Variants in RIPOR1 observed in about 807,000 individuals in gnomAD.
RIPOR1 encodes the protein RHO family interacting cell polarization regulator 1, also known as rho family-interacting cell polarization regulator 1.
A neutral mutation model predicts 116.5 loss-of-function variants in RIPOR1; 58 were observed. The observed-to-expected ratio is 0.50, with a 90% CI of 0.40 to 0.62. RIPOR1 has a LOEUF of 0.62. Ranked by LOEUF, RIPOR1 falls within the 20% of genes least tolerant of loss-of-function variation. The pLI is 0.00. For synonymous variants in RIPOR1, 605 were observed against 650.0 expected (o/e 0.93, Z 1.05); for missense variants, 1,372 against 1,586.2 (o/e 0.86, Z 2.29).
chr16:67,537,947 G>T lies in RIPOR1; in HGVS notation c.-23-477G>T, dbSNP rs1290565243. The T allele has an allele frequency of 1.2e-5, 3 of 246,598 alleles. No homozygotes were observed. The highest frequency in any genetic ancestry group is 2.3e-5 in the Non-Finnish European group (3 of 129,552). 15.3% of individuals were successfully genotyped at this position (246,598 alleles called of 1,614,324 possible). ...CCGGCTGGGCCTGTCGGGCAGCTCC[G>T]CAGGGCTCCGAGCGTGGCCCCGCCC... is the stretch of plus-strand genomic sequence containing the variant. On this transcript the variant is annotated intron_variant, in intron 1 of 21. Coordinates refer to ENST00000042381, the MANE Select transcript of RIPOR1 (RefSeq NM_024519.4). This position sits in a 1 kb window ranked among gnomAD's most constrained non-coding sequence, Gnocchi z 4.6.
rs185659070 is a variant in RIPOR1, at chr16:67,544,639, G to A, written c.2734-56G>A. On this transcript the variant is annotated intron_variant, in intron 15 of 21. Transcript: ENST00000042381. The surrounding 1 kb of genome is among the most constrained non-coding windows in gnomAD (Gnocchi z 5.1). ...CATGCTGGGACTTGTCCCTGAGCAC[G>A]ATCCTCCCGAGCCCTACCCTGAGGC... The A allele has an allele frequency of 3.1e-6, 5 of 1,605,266 alleles. No individual in the cohort carries two copies. Among genetic ancestry groups the A allele is most frequent in the East Asian group, 2.2e-5 (1 of 44,826 alleles).
chr16:67,519,748 A>C (rs1039959406), intron 1 of RIPOR1, among the ~76,000 whole-genome samples: 3 of 151,984 alleles, frequency 2.0e-5, no homozygotes, highest in African/African-American at 7.2e-5. Flanking sequence ...GATGAGACTC[A>C]AGTCATCACT....
rs530628273 is a variant in RIPOR1, at chr16:67,545,485, C to T, written c.3141C>T (p.Thr1047=). ...TVFQFWSFVE[T]LDSPTMEAYV... ...TCCAGTTCTGGAGTTTTGTGGAAAC[C>T]TTGGACAGCCCCACCATGGAGGCCT... Residue 1047 remains threonine, a synonymous_variant, in exon 18 of 22, where the codon ACC becomes ACT. Transcript: ENST00000042381. The surrounding 1 kb of genome is among the most constrained non-coding windows in gnomAD (Gnocchi z 4.8). The T allele has an allele frequency of 1.2e-5, 20 of 1,614,004 alleles. No individual in the cohort carries two copies. In the East Asian group the frequency reaches 4.5e-4, roughly 36 times the overall value.
chr16:67,521,189 G>A (rs1400745185), intron 1 of RIPOR1, among the ~76,000 whole-genome samples: 1 of 152,202 alleles, frequency 6.6e-6, no homozygotes, highest in Non-Finnish European at 1.5e-5. Flanking sequence ...GCCGCCAGGG[G>A]CACCCCCTTG....
rs778530561 is a variant in RIPOR1, at chr16:67,542,374, G to T, written c.1588G>T (p.Val530Phe). 6.2e-7 allele frequency: 1 copy of T among 1,613,852 alleles called. No individual in the cohort carries two copies. Among genetic ancestry groups the T allele is most frequent in the Non-Finnish European group, 8.5e-7 (1 of 1,179,950 alleles). The change falls in exon 13 of 22, where the codon GTT becomes TTT. Residue 530 changes from valine (V) to phenylalanine (F), a missense_variant. Physicochemically the swap from Val to Phe is conservative, Grantham distance 50. Coordinates refer to ENST00000042381, the MANE Select transcript of RIPOR1 (RefSeq NM_024519.4). This position sits in a 1 kb window ranked among gnomAD's most constrained non-coding sequence, Gnocchi z 4.6. ...TGCCCCATCTGCACACCTAGACTCA[G>T]TTCATAAGTCCACAGACTCTGGCCC... ...DPAPSAHLDS[V>F]HKSTDSGPSE...
At chr16:67,525,067 C>T (rs1296082819), upstream of RIPOR1, among the ~76,000 whole-genome samples, 1 of 152,268 alleles carries the variant, frequency 6.6e-6, no homozygotes, top group African/African-American at 2.4e-5. Flanking sequence ...TCTCCTGTGG[C>T]TTAAACTCTT....
Position 67,545,556 on chromosome 16 carries a change from C to T in RIPOR1, c.3190+22C>T. 1.2e-6 allele frequency: 2 copies of T among 1,612,880 alleles called. No homozygotes were observed. Among genetic ancestry groups the T allele is most frequent in the Non-Finnish European group, 1.7e-6 (2 of 1,179,262 alleles). ...GAGGGTGAGGCGGTGGCCCTGATCA[C>T]ATAGTGGCCTCTTGGGGTCTGAGGA... On this transcript the variant is annotated intron_variant, in intron 18 of 21. Transcript: ENST00000042381. This position sits in a 1 kb window ranked among gnomAD's most constrained non-coding sequence, Gnocchi z 4.8.
Position 67,546,496 on chromosome 16 carries a change from C to G in RIPOR1, c.*33C>G. On this transcript the variant is annotated 3_prime_UTR_variant, in exon 22 of 22. Coordinates refer to ENST00000042381, the MANE Select transcript of RIPOR1 (RefSeq NM_024519.4). The stretch of plus-strand genomic sequence containing the variant: ...ACCCATGGGTTCCTGGTGCCCCTTT[C>G]CCCCCACTTTCAGGGCTCACCAGGC... 6.4e-7 allele frequency: 1 copy of G among 1,573,188 alleles called. No individual in the cohort carries two copies. The highest frequency in any genetic ancestry group is 8.7e-7 in the Non-Finnish European group (1 of 1,144,974).
chr16:67,530,008 CAA>C lies in RIPOR1; in HGVS notation c.-24+1095_-24+1096del. ...TGAGGTACAAAATACTCCAGCGGGA[CAA>C]GGAGGACTGGCATAGCTCCTTCTTC... On this transcript the variant is annotated intron_variant, in intron 1 of 21. Transcript: ENST00000042381. The surrounding 1 kb of genome is among the most constrained non-coding windows in gnomAD (Gnocchi z 4.5). 1.5e-6 allele frequency: 1 copy of C among 672,982 alleles called. No homozygotes were observed. The highest frequency in any genetic ancestry group is 2.1e-5 in the Admixed American group (1 of 47,354). The allele number at this position is 672,982 out of a possible 1,614,324, so 41.7% of individuals were successfully genotyped here.
rs781191275 is a variant in RIPOR1 at position 67,545,579 on chromosome 16, G to A, written c.3190+45G>A. ...CACATAGTGGCCTCTTGGGGTCTGAGGACATGAGGACAAGCCCTCCCCAAC... is the reference window on the plus strand; with the variant it reads ...CACATAGTGGCCTCTTGGGGTCTGAAGACATGAGGACAAGCCCTCCCCAAC... On this transcript the variant is annotated intron_variant, in intron 18 of 21. Coordinates refer to ENST00000042381, the MANE Select transcript of RIPOR1 (RefSeq NM_024519.4). This position sits in a 1 kb window ranked among gnomAD's most constrained non-coding sequence, Gnocchi z 4.8. The A allele has an allele frequency of 1.3e-5, 21 of 1,605,036 alleles. No individual in the cohort carries two copies. Among genetic ancestry groups the A allele is most frequent in the Non-Finnish European group, 1.6e-5 (19 of 1,174,044 alleles).
At position 67,539,911 on chromosome 16, in the gene RIPOR1, G is replaced by C. The variant is rs779963301; in HGVS notation, c.414+12G>C. 6.2e-7 allele frequency: 1 copy of C among 1,614,196 alleles called. No homozygotes were observed. The highest frequency in any genetic ancestry group is 8.5e-7 in the Non-Finnish European group (1 of 1,180,020). ...TCCATGCCAGCAAGGTACGAGTGCA[G>C]CATGTGTGCAGAGTGGGGTGGGGGG... On this transcript the variant is annotated intron_variant, in intron 6 of 21. Transcript: ENST00000042381.
chr16:67,528,174 C>G (rs1380982009), upstream of RIPOR1: 1 of 152,306 alleles, frequency 6.6e-6, no homozygotes, highest in East Asian at 1.9e-4. Context: ...GGCCAGCATT[C>G]TAGCCCCGGC....
At chr16:67,539,646 G>C in intron 4 of RIPOR1, 82 bp from the exon 5 acceptor site, 3 of 1,512,318 alleles carry the variant, frequency 2.0e-6, no homozygotes, top group Non-Finnish European at 1.8e-6. Context: ...GTGAGAAAGG[G>C]GAGCTGTGAC....
At position 67,543,542 on chromosome 16, in the gene RIPOR1, G is replaced by C; in HGVS notation, c.2600+73G>C. 2 of 1,533,322 alleles carry C rather than the reference G, an allele frequency of 1.3e-6. No individual in the cohort carries two copies. Among genetic ancestry groups the C allele is most frequent in the Non-Finnish European group, 8.7e-7 (1 of 1,143,176 alleles). 95.0% of individuals were successfully genotyped at this position (1,533,322 alleles called of 1,614,324 possible). A position where few individuals can be genotyped will look rare whatever the true frequency, so the allele number is the denominator to read the frequency against. The stretch of plus-strand genomic sequence containing the variant: ...GGTGAGGCAGGACCAGGGGAAGGTG[G>C]AACAGGTGAATTGGGAGAAAGTCAA... On this transcript the variant is annotated intron_variant, in intron 14 of 21. Coordinates refer to ENST00000042381, the MANE Select transcript of RIPOR1 (RefSeq NM_024519.4). This position sits in a 1 kb window ranked among gnomAD's most constrained non-coding sequence, Gnocchi z 4.7.
In RIPOR1 at chr16:67,538,731, T is replaced by C. The variant is rs1476423432; in HGVS notation, c.164T>C (p.Val55Ala). ...CGGAAGCCCCCCGCGCTCTCCCGAG[T>C]GTCCAGGATGTTTTCCGTGGCTCAC... The part of the protein sequence containing the change: ...PPRKPPALSR[V>A]SRMFSVAHPA... Residue 55 changes from valine to alanine, a missense_variant, in exon 3 of 22, where the codon GTG becomes GCG. Val to Ala is a moderately conservative substitution (Grantham distance 64). Around this residue, in one of 3 missense-constraint regions of RIPOR1, gnomAD observed 165 missense variants for 145.5 expected, o/e 1.13. Coordinates refer to ENST00000042381, the MANE Select transcript of RIPOR1 (RefSeq NM_024519.4). 2 of 1,613,260 alleles carry C rather than the reference T, an allele frequency of 1.2e-6. No individual in the cohort carries two copies. Among genetic ancestry groups the C allele is most frequent in the South Asian group, 1.1e-5 (1 of 91,082 alleles).
intron 1 of RIPOR1, among the ~76,000 whole-genome samples, chr16:67,522,130 C>T (rs373711837): frequency 1.3e-5 from 2 of 149,766 alleles, no homozygotes; most frequent in African/African-American, 5.0e-5. Context: ...CGGATTCAAG[C>T]GATTCTTCTG....
At chr16:67,519,500 G>A (rs573861833) in intron 1 of RIPOR1, among the ~76,000 whole-genome samples, 1 of 152,270 alleles carries the variant, frequency 6.6e-6, no homozygotes, top group Admixed American at 6.5e-5. Flanking sequence ...CAAGGACACC[G>A]AGTGATGTGT....
intron 1 of RIPOR1, among the ~76,000 whole-genome samples, chr16:67,522,228 A>G (rs2142390438): frequency 2.1e-5 from 2 of 95,674 alleles, no homozygotes; most frequent in Admixed American, 1.3e-4. Flanking sequence ...TTTGAGACAG[A>G]GTCTTGCTCT....
At chr16:67,523,945 G>A (rs1056391303), upstream of RIPOR1, among the ~76,000 whole-genome samples, 1 of 152,130 alleles carries the variant, frequency 6.6e-6, no homozygotes, top group East Asian at 1.9e-4. Context: ...CCGAAGTGCT[G>A]AAATTACGGG....
Sources: gnomAD v4.1 joint callset for allele counts (sites outside exome capture counted in the v4.1 genomes callset) on GRCh38, gnomAD v4.1.1 for gene constraint, gnomAD v4.1.1 regional missense constraint, Gnocchi (gnomAD v3.1) non-coding constraint, MANE v1.5 for transcripts, NCBI Gene and HGNC (gene_info 2026-07-23, HGNC 2026-07-21) for gene names.